The following CPEB3 variants were observed in gnomAD, a reference collection of about 807,000 sequenced individuals.
CPEB3 encodes the protein cytoplasmic polyadenylation element binding protein 3, also known as cytoplasmic polyadenylation element-binding protein 3.
In CPEB3, 20 loss-of-function variants were observed where a neutral mutation model predicts 67.2. The observed-to-expected ratio is 0.30, with a 90% CI of 0.21 to 0.43. The LOEUF is 0.43. Ranked by LOEUF, CPEB3 falls within the 20% of genes least tolerant of loss-of-function variation. The probability of loss-of-function intolerance (pLI) is 1.00; values close to 1 mark genes in which losing one functional copy is unlikely to be tolerated. For missense variants in CPEB3, 746 were observed against 968.6 expected (o/e 0.77, Z 3.05); for synonymous variants, 376 against 393.1 (o/e 0.96, Z 0.51).
At chr10:92,248,492 A>G (rs1852161427) in intron 1 of CPEB3, among the ~76,000 whole-genome samples, 1 of 152,260 alleles carries the variant, frequency 6.6e-6, no homozygotes, top group East Asian at 1.9e-4. Context: ...CACAATGCTT[A>G]TATGTCCTGG....
intron 2 of CPEB3, among the ~76,000 whole-genome samples, chr10:92,229,477 T>C (rs1321142396): frequency 6.6e-6 from 1 of 152,198 alleles, no homozygotes; most frequent in Non-Finnish European, 1.5e-5. Context: ...AAGAATGAGT[T>C]GATCAATGAT....
At chr10:92,271,184 A>G (rs1205544337) in intron 1 of CPEB3, among the ~76,000 whole-genome samples, 1 of 152,174 alleles carries the variant, frequency 6.6e-6, no homozygotes, top group Non-Finnish European at 1.5e-5. Context: ...CTCTGTCTCA[A>G]AAAACAAACA....
chr10:92,063,269 G>A (rs928170579), intron 9 of CPEB3, among the ~76,000 whole-genome samples: 1 of 152,184 alleles, frequency 6.6e-6, no homozygotes, highest in Admixed American at 6.5e-5. Flanking sequence ...ACTCTTAGTG[G>A]CAGAGAATAG....
At chr10:92,066,055 C>G (rs1443760183) in intron 9 of CPEB3, among the ~76,000 whole-genome samples, 1 of 151,718 alleles carries the variant, frequency 6.6e-6, no homozygotes, top group Admixed American at 6.6e-5. Context: ...TAAGACTGCA[C>G]CACTGCACTC....
At chr10:92,095,393 C>T (rs1282997070) in intron 7 of CPEB3, among the ~76,000 whole-genome samples, 4 of 152,154 alleles carry the variant, frequency 2.6e-5, no homozygotes, top group Admixed American at 1.3e-4. Context: ...TATCAACACA[C>T]TCTATATACT....
chr10:92,162,013 T>C (rs1847509796), intron 4 of CPEB3, among the ~76,000 whole-genome samples: 1 of 152,176 alleles, frequency 6.6e-6, no homozygotes, highest in South Asian at 2.1e-4. Context: ...CTTTCTAATA[T>C]CCTATCTATG....
intron 5 of CPEB3, 115 bp downstream of exon 5, chr10:92,144,830 C>A: frequency 1.2e-6 from 1 of 838,012 alleles, no homozygotes; most frequent in South Asian, 1.6e-5. Context: ...AATAGTCTCA[C>A]CTCCTATGCA....
chr10:92,074,776 A>G (rs1368524683), intron 9 of CPEB3, among the ~76,000 whole-genome samples: 1 of 152,230 alleles, frequency 6.6e-6, no homozygotes, highest in Admixed American at 6.5e-5. Context: ...GAGTGAAAAG[A>G]CATGATTAAA....
intron 6 of CPEB3, chr10:92,136,801 T>C: frequency 6.6e-6 from 1 of 152,568 alleles, no homozygotes; most frequent in Non-Finnish European, 1.5e-5. Flanking sequence ...CCTCGTGATC[T>C]GCCCGCCTCA....
rs190062246 is a variant in CPEB3, at chr10:92,150,137, C to T, written c.1223-5052G>A. ...CTTGTAGTATTTACCCAGCGCAGAC[C>T]GACAGGCGATATGAGGACTTTATCA... On this transcript the variant is annotated intron_variant, in intron 4 of 9. Transcript: ENST00000265997. Among the ~76,000 whole-genome samples, 8 of 152,182 alleles carry T rather than the reference C, an allele frequency of 5.3e-5. No homozygotes were observed. The East Asian group carries it at 9.6e-4, about 18-fold the overall frequency.
intron 2 of CPEB3, among the ~76,000 whole-genome samples, chr10:92,197,793 G>T (rs183379686): frequency 5.1e-4 from 77 of 152,264 alleles, no homozygotes; most frequent in Non-Finnish European, 9.3e-4. Flanking sequence ...TATTAAGTAG[G>T]TAGCTTTTGT....
At chr10:92,110,045 C>T (rs1029729887) in intron 7 of CPEB3, among the ~76,000 whole-genome samples, 2 of 152,182 alleles carry the variant, frequency 1.3e-5, no homozygotes, top group African/African-American at 4.8e-5. Context: ...TTATTCTTCC[C>T]ATCTTCCAGG....
intron 1 of CPEB3, among the ~76,000 whole-genome samples, chr10:92,278,650 G>A (rs1367579877): frequency 6.7e-6 from 1 of 149,480 alleles, no homozygotes; most frequent in Non-Finnish European, 1.5e-5. Context: ...TACCAGGCTG[G>A]AGTGCAGTGG....
intron 7 of CPEB3, among the ~76,000 whole-genome samples, chr10:92,108,631 G>A (rs1226646979): frequency 1.3e-5 from 2 of 152,142 alleles, no homozygotes; most frequent in African/African-American, 2.4e-5. Flanking sequence ...GTATGCCTGG[G>A]TCAAAGAAAT....
At chr10:92,064,270 A>G (rs532655034) in intron 9 of CPEB3, among the ~76,000 whole-genome samples, 6 of 152,358 alleles carry the variant, frequency 3.9e-5, no homozygotes, top group African/African-American at 1.4e-4. Flanking sequence ...AGAGAAATCT[A>G]GCAAACAGAG....
rs979227336 is a variant in CPEB3 at position 92,230,474 on chromosome 10, A to G, written c.1005+8872T>C. Among the ~76,000 whole-genome samples, 27 of 152,174 alleles carry G rather than the reference A, an allele frequency of 1.8e-4. 1 individual carries two copies. The highest frequency in any genetic ancestry group is 5.1e-4 in the African/African-American group (21 of 41,444). ...CCTGCCAACAAGCATTTATATAATA[A>G]TATTTATTATTTCTGAGAATTATAT... On this transcript the variant is annotated intron_variant, in intron 2 of 9. Transcript: ENST00000265997.
chr10:92,277,809 T>C (rs923705389), intron 1 of CPEB3, among the ~76,000 whole-genome samples: 12 of 151,748 alleles, frequency 7.9e-5, no homozygotes, highest in African/African-American at 2.7e-4. Flanking sequence ...GAGAATCGCT[T>C]GAACGCGGGA....
At chr10:92,072,307 T>G (rs1236478660) in intron 9 of CPEB3, among the ~76,000 whole-genome samples, 1 of 152,284 alleles carries the variant, frequency 6.6e-6, no homozygotes, top group Admixed American at 6.5e-5. Context: ...TTCAACTATT[T>G]CATTTTCCTT....
chr10:92,097,812 T>C (rs1191150488), intron 7 of CPEB3, among the ~76,000 whole-genome samples: 1 of 152,154 alleles, frequency 6.6e-6, no homozygotes, highest in Non-Finnish European at 1.5e-5. Flanking sequence ...CTTCTCCTTC[T>C]TGGAGTTTCA....
Sources: allele counts gnomAD v4.1 joint callset (sites outside exome capture counted in the v4.1 genomes callset), GRCh38; gene constraint gnomAD v4.1.1; transcripts MANE v1.5; gene names NCBI Gene and HGNC (gene_info 2026-07-23, HGNC 2026-07-21).